The following CREB1 variants were observed in gnomAD, a reference collection of about 807,000 sequenced individuals.
The protein encoded by CREB1 is cyclic AMP-responsive element-binding protein 1.
Under a neutral mutation model 42.0 loss-of-function variants are expected in CREB1, and 2 were observed. That is an observed-to-expected ratio of 0.05 (90% CI 0.02 to 0.15). CREB1 has a LOEUF of 0.15. CREB1 is among the 10% of genes least tolerant of loss of function. CREB1 has a pLI of 1.00. For synonymous variants in CREB1, 123 were observed against 139.9 expected, an observed-to-expected ratio of 0.88 and a Z score of 0.85; for missense variants, 199 against 388.9, an observed-to-expected ratio of 0.51 and a Z score of 4.11.
In CREB1 at chr2:207,560,385, A is replaced by G. The variant is rs1321291743; in HGVS notation, c.261+13A>G. ...CCAAACAGTTCAGGTATGTGTATAA[A>G]AAGTTCTGCATCTATTTTAATAACT... On this transcript the variant is annotated intron_variant, in intron 3 of 7. Coordinates refer to ENST00000353267, the MANE Select transcript of CREB1 (RefSeq NM_004379.5). 2 of 1,603,240 alleles carry G rather than the reference A, an allele frequency of 1.2e-6. No homozygotes were observed. Among genetic ancestry groups the G allele is most frequent in the African/African-American group, 2.7e-5 (2 of 74,274 alleles).
At chr2:207,575,113 C>T (rs1189355674) in intron 5 of CREB1, among the ~76,000 whole-genome samples, 159 bp from the exon 6 acceptor site, 1 of 152,050 alleles carries the variant, frequency 6.6e-6, no homozygotes, top group Non-Finnish European at 1.5e-5. Flanking sequence ...TATGGGTTTC[C>T]TGAGGAGCAA....
At chr2:207,546,849 G>T (rs2081320595) in intron 1 of CREB1, among the ~76,000 whole-genome samples, 1 of 152,156 alleles carries the variant, frequency 6.6e-6, no homozygotes, top group Non-Finnish European at 1.5e-5. Context: ...ATGTAGTCCA[G>T]TATATCCTTG....
intron 6 of CREB1, 107 bp from the exon 7 acceptor site, chr2:207,577,393 CTTTTT>C (rs1185528681): frequency 7.3e-7 from 1 of 1,376,782 alleles, no homozygotes; most frequent in South Asian, 1.4e-5. Flanking sequence ...ATCATCTTTT[CTTTTT>C]TGTTTCCCTT....
In CREB1 at chr2:207,542,087, G is replaced by A. The variant is rs560633390; in HGVS notation, c.-9+11953G>A. ...TAGAACATTTTATTTGTGAGTTCAC[G>A]GACATTGGACTTTTTGATTATTATG... On this transcript the variant is annotated intron_variant, in intron 1 of 7. Coordinates refer to ENST00000353267, the MANE Select transcript of CREB1 (RefSeq NM_004379.5). Among the ~76,000 whole-genome samples the A allele has an allele frequency of 1.7e-3, 262 of 152,182 alleles. 1 individual carries two copies. Among genetic ancestry groups the A allele is most frequent in the African/African-American group, 6.1e-3 (253 of 41,548 alleles).
intron 1 of CREB1, among the ~76,000 whole-genome samples, chr2:207,533,962 T>C (rs934278612): frequency 2.6e-5 from 4 of 152,314 alleles, no homozygotes; most frequent in Admixed American, 2.6e-4. Flanking sequence ...ATATGTAAAA[T>C]TAGAATACTA....
chr2:207,585,643 G>A (rs144847076), intron 7 of CREB1, among the ~76,000 whole-genome samples: 1 of 152,096 alleles, frequency 6.6e-6, no homozygotes, highest in Non-Finnish European at 1.5e-5. Context: ...AGAAAACTCA[G>A]CAAGAAACAA....
At chr2:207,581,623 T>G (rs2082967893) in intron 7 of CREB1, 2 of 383,032 alleles carry the variant, frequency 5.2e-6, no homozygotes, top group African/African-American at 2.1e-5. Flanking sequence ...TTTAAGTAAT[T>G]TTAAACTTAC....
Position 207,593,922 on chromosome 2 carries a change from T to C in CREB1, c.840-2992T>C, listed in dbSNP as rs2085590923. Among the ~76,000 whole-genome samples the C allele has an allele frequency of 2.0e-5, 3 of 152,176 alleles. No individual in the cohort carries two copies. The South Asian group carries it at 6.2e-4, about 32-fold the overall frequency. ...TTAGTAGAGACAGAGTTTCGCCATG[T>C]TGGCCAGGCTGGTCTCAAACTCCTG... On this transcript the variant is annotated intron_variant, in intron 7 of 7. Coordinates refer to ENST00000353267, the MANE Select transcript of CREB1 (RefSeq NM_004379.5).
In CREB1 at chr2:207,547,005, C is replaced by A. The variant is rs372523193; in HGVS notation, c.-8-8623C>A. Among the ~76,000 whole-genome samples, 7 of 152,176 alleles carry A rather than the reference C, an allele frequency of 4.6e-5. 1 individual carries two copies. The East Asian group carries it at 5.8e-4, about 13-fold the overall frequency. On this transcript the variant is annotated intron_variant, in intron 1 of 7. Transcript: ENST00000353267. Reference sequence around the variant, plus strand: ...TCCTCATTTTTTGTAATATTGGAGGCTGTTATAACCCTGAAGTCTTGAACA... The same window carrying A: ...TCCTCATTTTTTGTAATATTGGAGGATGTTATAACCCTGAAGTCTTGAACA...
intron 1 of CREB1, among the ~76,000 whole-genome samples, chr2:207,540,669 T>TAAAA (rs35714520): frequency 4.7e-5 from 3 of 64,266 alleles, no homozygotes; most frequent in African/African-American, 1.4e-4. Context: ...GTTTAAAAAG[T>TAAAA]AAAAAAAAAA....
chr2:207,543,149 A>G (rs2081162714), intron 1 of CREB1, among the ~76,000 whole-genome samples: 1 of 152,140 alleles, frequency 6.6e-6, no homozygotes, highest in Admixed American at 6.5e-5. Flanking sequence ...CCTGCCCATC[A>G]CTTGACTCTT....
chr2:207,560,460 C>T, intron 3 of CREB1, 88 bp downstream of exon 3: 1 of 1,311,520 alleles, frequency 7.6e-7, no homozygotes, highest in Non-Finnish European at 1.1e-6. Flanking sequence ...AAAATAAGGA[C>T]ACATCTAGTT....
chr2:207,560,506 A>G, intron 3 of CREB1, 134 bp downstream of exon 3: 1 of 754,268 alleles, frequency 1.3e-6, no homozygotes, highest in East Asian at 2.7e-5. Flanking sequence ...AATATGCTGC[A>G]TCTGTATAGT....
intron 3 of CREB1, among the ~76,000 whole-genome samples, chr2:207,561,605 C>G (rs1222480640): frequency 6.6e-6 from 1 of 152,136 alleles, no homozygotes; most frequent in African/African-American, 2.4e-5. Flanking sequence ...CCCCATCCCC[C>G]GCACCCTTCC....
At chr2:207,532,307 G>A (rs559356841) in intron 1 of CREB1, among the ~76,000 whole-genome samples, 1 of 149,296 alleles carries the variant, frequency 6.7e-6, no homozygotes, top group Non-Finnish European at 1.5e-5. Context: ...GGGCGACACA[G>A]CAAGACTCCG....
At position 207,535,051 on chromosome 2, in the gene CREB1, G is replaced by T. The variant is rs150964955; in HGVS notation, c.-9+4917G>T. Among the ~76,000 whole-genome samples, 261 of 152,326 alleles carry T rather than the reference G, an allele frequency of 1.7e-3. 2 individuals are homozygous for T. The highest frequency in any genetic ancestry group is 2.9e-4 in the Non-Finnish European group (20 of 68,026). On this transcript the variant is annotated intron_variant, in intron 1 of 7. Transcript: ENST00000353267. ...GTAAGTAGACTGTATTAACCAGTTA[G>T]TGAGCTGCTTTTATTCTTAGGTCTT...
chr2:207,591,342 T>C (rs2084985555), intron 7 of CREB1, among the ~76,000 whole-genome samples: 2 of 152,226 alleles, frequency 1.3e-5, no homozygotes, highest in African/African-American at 4.8e-5. Flanking sequence ...TTTATTATTA[T>C]ATAATGTCTT....
chr2:207,596,844 A>C, intron 7 of CREB1, 70 bp from the exon 8 acceptor site: 2 of 1,560,020 alleles, frequency 1.3e-6, no homozygotes, highest in South Asian at 2.4e-5. Flanking sequence ...AAAAAGAAAA[A>C]AAAAAGGTAA....
At chr2:207,556,967 T>G (rs1169289082) in intron 2 of CREB1, among the ~76,000 whole-genome samples, 1 of 152,016 alleles carries the variant, frequency 6.6e-6, no homozygotes, top group African/African-American at 2.4e-5. Flanking sequence ...TGAAACCCCA[T>G]CTCTACTAAA....
Sources: allele counts gnomAD v4.1 joint callset (sites outside exome capture counted in the v4.1 genomes callset), GRCh38; gene constraint gnomAD v4.1.1; transcripts MANE v1.5; gene names NCBI Gene and HGNC (gene_info 2026-07-23, HGNC 2026-07-21).